The following PGM2L1 variants were observed in gnomAD, a reference collection of about 807,000 sequenced individuals.
The protein encoded by PGM2L1 is phosphoglucomutase 2 like 1, also known as glucose 1,6-bisphosphate synthase.
A neutral mutation model predicts 73.4 loss-of-function variants in PGM2L1; 35 were observed. The observed-to-expected ratio is 0.48, with a 90% CI of 0.36 to 0.63. PGM2L1 has a LOEUF of 0.63. Ranked by LOEUF, PGM2L1 falls within the 30% of genes least tolerant of loss-of-function variation. The probability of loss-of-function intolerance (pLI) is 0.00; values close to 1 mark genes in which losing one functional copy is unlikely to be tolerated. For synonymous variants in PGM2L1, 225 were observed against 253.8 expected (o/e 0.89, Z 1.08); for missense variants, 570 against 742.0 (o/e 0.77, Z 2.69).
intron 13 of PGM2L1, 28 bp downstream of exon 13, chr11:74,338,440 T>C (rs367750988): frequency 3.9e-5 from 58 of 1,504,292 alleles, no homozygotes; most frequent in Non-Finnish European, 3.0e-5. Context: ...AGCTTTTGTA[T>C]GTATATCTTA....
At chr11:74,368,184 AT>A (rs1175035649) in intron 5 of PGM2L1, among the ~76,000 whole-genome samples, 2 of 152,112 alleles carry the variant, frequency 1.3e-5, no homozygotes, top group African/African-American at 4.8e-5. Context: ...ACTCCGATTC[AT>A]TTTTCAAGTA....
chr11:74,357,314 A>G (rs1170417549), intron 5 of PGM2L1, among the ~76,000 whole-genome samples: 2 of 152,258 alleles, frequency 1.3e-5, no homozygotes, highest in Non-Finnish European at 2.9e-5. Context: ...ATGTATCTGA[A>G]AAAGGACTGT....
At chr11:74,392,635 G>A (rs1468447810) in intron 1 of PGM2L1, among the ~76,000 whole-genome samples, 4 of 151,734 alleles carry the variant, frequency 2.6e-5, no homozygotes, top group Admixed American at 2.6e-4. Flanking sequence ...TCCGCCTCCC[G>A]GATTCACGCC....
At chr11:74,378,678 G>A (rs1010498700) in intron 1 of PGM2L1, among the ~76,000 whole-genome samples, 6 of 152,166 alleles carry the variant, frequency 3.9e-5, no homozygotes, top group African/African-American at 1.4e-4. Flanking sequence ...AGAAAAGAAA[G>A]TGTCTTCTTA....
chr11:74,337,008 T>G (rs1862108183), intron 13 of PGM2L1, among the ~76,000 whole-genome samples: 1 of 152,062 alleles, frequency 6.6e-6, no homozygotes, highest in Non-Finnish European at 1.5e-5. Flanking sequence ...AGTGATGGTG[T>G]ATCTAAAGAA....
intron 6 of PGM2L1, among the ~76,000 whole-genome samples, chr11:74,350,402 T>C (rs1051100859): frequency 3.9e-5 from 6 of 152,230 alleles, no homozygotes; most frequent in African/African-American, 1.4e-4. Flanking sequence ...AGAAATGTAC[T>C]GATCTAACAT....
intron 12 of PGM2L1, among the ~76,000 whole-genome samples, chr11:74,340,369 A>G (rs955032829): frequency 6.6e-6 from 1 of 152,216 alleles, no homozygotes; most frequent in African/African-American, 2.4e-5. Flanking sequence ...AAGAAGCAAA[A>G]TGTGATTCTT....
Position 74,345,645 on chromosome 11 carries a change from AAC to A in PGM2L1, c.1040_1041del (p.Gly347ValfsTer9). 1 of 1,613,356 alleles carries A rather than the reference AAC, an allele frequency of 6.2e-7. No individual in the cohort carries two copies. Among genetic ancestry groups the A allele is most frequent in the Non-Finnish European group, 8.5e-7 (1 of 1,179,508 alleles). ...RLAAAELQENGCWKVFTGNEL... is the reference protein window; with the variant it reads ...RLAAAELQENXCWKVFTGNEL... The stretch of plus-strand genomic sequence containing the variant: ...TCATTCCCTGTGAAAACTTTCCAAC[AAC>A]CACTGTAGAGAGAAGGAAAATACAA... On this transcript the variant is annotated frameshift_variant and splice_region_variant, in exon 9 of 14. Transcript: ENST00000298198. LOFTEE classifies it high-confidence loss of function.
chr11:74,393,757 G>A (rs1261017882), intron 1 of PGM2L1, among the ~76,000 whole-genome samples: 1 of 152,162 alleles, frequency 6.6e-6, no homozygotes, highest in African/African-American at 2.4e-5. Flanking sequence ...CTTTGTGACA[G>A]CTGCTATAGC....
intron 12 of PGM2L1, 47 bp from the exon 13 acceptor site, chr11:74,338,648 C>G (rs939774115): frequency 1.3e-6 from 2 of 1,518,750 alleles, no homozygotes; most frequent in Non-Finnish European, 1.8e-6. Flanking sequence ...GCATCTTTTT[C>G]ATTTTCTTTC....
chr11:74,342,196 CT>C (rs779935750), intron 12 of PGM2L1, among the ~76,000 whole-genome samples: 5 of 151,576 alleles, frequency 3.3e-5, no homozygotes, highest in African/African-American at 9.7e-5. Context: ...CTGTTAAAAA[CT>C]TTTTTTTTAA....
intron 5 of PGM2L1, among the ~76,000 whole-genome samples, chr11:74,363,912 A>G (rs1197050482): frequency 1.3e-5 from 2 of 152,232 alleles, no homozygotes. Flanking sequence ...ACAACAAAAA[A>G]AAAGAGAATT....
chr11:74,361,468 G>A (rs964535074), intron 5 of PGM2L1, among the ~76,000 whole-genome samples: 2 of 152,170 alleles, frequency 1.3e-5, no homozygotes, highest in Non-Finnish European at 2.9e-5. Context: ...CAGAAAAGCT[G>A]AAAATTCTAA....
chr11:74,348,288 T>C (rs926002581), intron 6 of PGM2L1, among the ~76,000 whole-genome samples: 1 of 152,124 alleles, frequency 6.6e-6, no homozygotes, highest in Non-Finnish European at 1.5e-5. Flanking sequence ...TAACCTACCA[T>C]TTACTAACTA....
intron 9 of PGM2L1, among the ~76,000 whole-genome samples, chr11:74,344,750 A>C (rs1862236374): frequency 6.6e-6 from 1 of 152,218 alleles, no homozygotes; most frequent in Non-Finnish European, 1.5e-5. Context: ...GTGTGAATCA[A>C]CTTTCAGTAT....
intron 5 of PGM2L1, chr11:74,355,744 G>A (rs899445474): frequency 1.4e-5 from 7 of 489,154 alleles, no homozygotes; most frequent in Admixed American, 1.3e-4. Flanking sequence ...AGGAAACAAA[G>A]CTTAGCATGA....
At chr11:74,344,714 A>G (rs1052520007) in intron 9 of PGM2L1, among the ~76,000 whole-genome samples, 7 of 152,190 alleles carry the variant, frequency 4.6e-5, no homozygotes, top group African/African-American at 1.7e-4. Context: ...CTATAGACAT[A>G]AACTAGGAAA....
At chr11:74,386,683 C>T (rs1264532245) in intron 1 of PGM2L1, among the ~76,000 whole-genome samples, 1 of 152,008 alleles carries the variant, frequency 6.6e-6, no homozygotes, top group East Asian at 1.9e-4. Flanking sequence ...CCCTATTTTG[C>T]CCAGGCTGGT....
chr11:74,363,828 T>A (rs557173441), intron 5 of PGM2L1, among the ~76,000 whole-genome samples: 1 of 151,844 alleles, frequency 6.6e-6, no homozygotes, highest in Non-Finnish European at 1.5e-5. Flanking sequence ...TTCCAATCAA[T>A]AGAAAAAGAG....
Sources: gnomAD v4.1 joint callset for allele counts (sites outside exome capture counted in the v4.1 genomes callset) on GRCh38, gnomAD v4.1.1 for gene constraint, MANE v1.5 for transcripts, NCBI Gene and HGNC (gene_info 2026-07-23, HGNC 2026-07-21) for gene names.